UBR3: variants seen among roughly 807,000 people sequenced by gnomAD.
The protein encoded by UBR3 is ubiquitin protein ligase E3 component n-recognin 3.
UBR3 carries 85 observed loss-of-function variants against 243.2 expected under a neutral mutation model. The ratio of observed to expected loss-of-function variants is 0.35; its 90% CI spans 0.29 to 0.42. The LOEUF is 0.42. Ranked by LOEUF, UBR3 falls within the 10% of genes least tolerant of loss-of-function variation. The pLI is 1.00. For missense variants in UBR3, 1,686 were observed against 2,300.8 expected (o/e 0.73, Z 5.47); for synonymous variants, 748 against 799.8 (o/e 0.94, Z 1.09).
At chr2:169,861,968 A>G (rs76506882) in intron 1 of UBR3, among the ~76,000 whole-genome samples, 7,619 of 152,280 alleles carry the variant, frequency 0.05, 231 homozygotes, top group Non-Finnish European at 0.076. Context: ...TCTCTGATTA[A>G]GCCCTGTTTT....
chr2:169,979,738 T>C (rs1345982403), intron 24 of UBR3, among the ~76,000 whole-genome samples: 1 of 152,176 alleles, frequency 6.6e-6, no homozygotes, highest in Non-Finnish European at 1.5e-5. Flanking sequence ...GTTGTCAGGG[T>C]TGAGGCACAG....
chr2:169,901,103 T>C (rs1440920139), intron 8 of UBR3, among the ~76,000 whole-genome samples: 1 of 152,182 alleles, frequency 6.6e-6, no homozygotes, highest in African/African-American at 2.4e-5. Context: ...AATACTCTTC[T>C]CTACTTGTCC....
At chr2:169,909,454 C>T (rs1175633304) in intron 10 of UBR3, among the ~76,000 whole-genome samples, 1 of 151,964 alleles carries the variant, frequency 6.6e-6, no homozygotes, top group African/African-American at 2.4e-5. Context: ...AAAAGTTGAG[C>T]TTATAGAAGT....
At chr2:169,908,989 A>G (rs1418651035) in intron 10 of UBR3, among the ~76,000 whole-genome samples, 4 of 151,452 alleles carry the variant, frequency 2.6e-5, no homozygotes, top group African/African-American at 9.7e-5. Context: ...AAGCCCGGCC[A>G]ATTTTTTGTA....
intron 27 of UBR3, among the ~76,000 whole-genome samples, chr2:170,006,180 C>A (rs1482721123): frequency 6.6e-6 from 1 of 152,150 alleles, no homozygotes; most frequent in Non-Finnish European, 1.5e-5. Context: ...CACAAATCTT[C>A]TTCTCTGGAA....
At chr2:169,946,191 A>T (rs990246112) in intron 20 of UBR3, 97 bp from the exon 21 acceptor site, 17 of 619,104 alleles carry the variant, frequency 2.7e-5, no homozygotes, top group Non-Finnish European at 2.9e-5. Context: ...ATATTAAAGT[A>T]CTTTTCGTCT....
At chr2:170,079,723 T>C in intron 36 of UBR3, 91 bp from the exon 37 acceptor site, 1 of 1,197,804 alleles carries the variant, frequency 8.3e-7, no homozygotes, top group South Asian at 1.7e-5. Flanking sequence ...TGGAGGCAGA[T>C]TTTTCTTTCT....
intron 1 of UBR3, among the ~76,000 whole-genome samples, chr2:169,857,063 TG>T (rs1559026919): frequency 3.1e-4 from 18 of 57,992 alleles, no homozygotes; most frequent in African/African-American, 7.7e-4. Flanking sequence ...AATTTTATTA[TG>T]TTTTTTTTTT....
At chr2:169,978,923 C>T (rs1006253787) in intron 24 of UBR3, among the ~76,000 whole-genome samples, 1 of 152,116 alleles carries the variant, frequency 6.6e-6, no homozygotes, top group Non-Finnish European at 1.5e-5. Flanking sequence ...CTCTGTAGCT[C>T]AGCCAGGGCA....
intron 23 of UBR3, among the ~76,000 whole-genome samples, chr2:169,950,485 G>A (rs551881392): frequency 6.6e-6 from 1 of 151,798 alleles, no homozygotes; most frequent in African/African-American, 2.4e-5. Flanking sequence ...ATATATGATT[G>A]CTGATTTTTA....
chr2:170,067,378 T>C lies in UBR3; in HGVS notation c.5019+5935T>C, dbSNP rs143181855. Among the ~76,000 whole-genome samples, 10 of 152,200 alleles carry C rather than the reference T, an allele frequency of 6.6e-5. No individual in the cohort carries two copies. The East Asian group carries it at 1.5e-3, about 23-fold the overall frequency. The stretch of plus-strand genomic sequence containing the variant: ...CAGTGCCCCAAATTATATAAACAAA[T>C]GACAGAATTGAAGGAAGAAACAGAC... On this transcript the variant is annotated intron_variant, in intron 35 of 38. Coordinates refer to ENST00000272793, the MANE Select transcript of UBR3 (RefSeq NM_172070.4).
At chr2:169,828,460 C>T (rs760598755) in intron 1 of UBR3, among the ~76,000 whole-genome samples, 9 of 151,924 alleles carry the variant, frequency 5.9e-5, no homozygotes, top group Non-Finnish European at 1.2e-4. Context: ...TTTGGATTGG[C>T]TGGGAGGGGA....
chr2:170,004,599 T>G (rs1574379357), intron 27 of UBR3, among the ~76,000 whole-genome samples: 2 of 151,812 alleles, frequency 1.3e-5, no homozygotes, highest in South Asian at 4.2e-4. Flanking sequence ...ACTTGGCAGG[T>G]GAGGAGGTGG....
chr2:169,988,511 G>C (rs2089130797), intron 25 of UBR3, among the ~76,000 whole-genome samples: 1 of 152,114 alleles, frequency 6.6e-6, no homozygotes, highest in Non-Finnish European at 1.5e-5. Flanking sequence ...AAAAAAATAA[G>C]AAACTAATAT....
intron 23 of UBR3, among the ~76,000 whole-genome samples, chr2:169,955,830 T>C (rs1459591362): frequency 2.1e-5 from 3 of 140,824 alleles, no homozygotes. Flanking sequence ...AGGCTTATCC[T>C]GTACTTGGAG....
Position 170,015,384 on chromosome 2 carries a change from C to T in UBR3, c.4453+18C>T. The T allele has an allele frequency of 1.9e-6, 3 of 1,568,668 alleles. No individual in the cohort carries two copies. Among genetic ancestry groups the T allele is most frequent in the Non-Finnish European group, 2.6e-6 (3 of 1,157,008 alleles). On this transcript the variant is annotated intron_variant, in intron 30 of 38. Coordinates refer to ENST00000272793, the MANE Select transcript of UBR3 (RefSeq NM_172070.4). ...TTGTTTAAGTAAGTACTAAATACTG[C>T]TAAATTTAAAAAAAATTCTGTCATT...
chr2:170,029,393 G>T lies in UBR3; in HGVS notation c.4501G>T (p.Asp1501Tyr). 2.5e-6 allele frequency: 4 copies of T among 1,611,700 alleles called. No individual in the cohort carries two copies. Among genetic ancestry groups the T allele is most frequent in the Non-Finnish European group, 3.4e-6 (4 of 1,178,740 alleles). ...LALHMRLYSI[D>Y]SEYNPWRKLT... ...CTTGCACATGCGGCTTTATAGCATT[G>T]ACTCTGAGTATAATCCCTGGAGAAA... Residue 1501 changes from aspartate to tyrosine, a missense_variant, in exon 31 of 39, where the codon GAC becomes TAC. Physicochemically the swap from Asp to Tyr is radical, Grantham distance 160 (BLOSUM62 -3). Transcript: ENST00000272793.
At chr2:169,956,658 T>C (rs1361634283) in intron 23 of UBR3, among the ~76,000 whole-genome samples, 3 of 152,166 alleles carry the variant, frequency 2.0e-5, no homozygotes, top group Non-Finnish European at 2.9e-5. Context: ...TTGAATATTA[T>C]TGGCAAAAAT....
intron 25 of UBR3, among the ~76,000 whole-genome samples, chr2:169,987,699 A>G (rs2089085201): frequency 6.6e-6 from 1 of 152,038 alleles, no homozygotes; most frequent in Admixed American, 6.5e-5. Flanking sequence ...GTCACAATAA[A>G]TTTAATCCTT....
Sources: gnomAD v4.1 joint callset for allele counts (sites outside exome capture counted in the v4.1 genomes callset) on GRCh38, gnomAD v4.1.1 for gene constraint, MANE v1.5 for transcripts, NCBI Gene and HGNC (gene_info 2026-07-23, HGNC 2026-07-21) for gene names.